The following PPP2R2B variants were observed in gnomAD, a reference collection of about 807,000 sequenced individuals.
PPP2R2B encodes the protein serine/threonine-protein phosphatase 2A 55 kDa regulatory subunit B beta isoform.
In PPP2R2B, 5 loss-of-function variants were observed where a neutral mutation model predicts 46.0. The observed-to-expected ratio is 0.11, with a 90% CI of 0.06 to 0.23. PPP2R2B has a LOEUF of 0.23. PPP2R2B is among the 10% of genes least tolerant of loss of function. The pLI is 1.00. For missense variants in PPP2R2B, 367 were observed against 575.0 expected (o/e 0.64, Z 3.70); for synonymous variants, 215 against 206.7 (o/e 1.04, Z -0.34).
chr5:147,063,809 C>G (rs563314068), intron 2 of PPP2R2B, among the ~76,000 whole-genome samples: 17 of 152,324 alleles, frequency 1.1e-4, no homozygotes, highest in African/African-American at 3.4e-4. Context: ...GAAAGGAACG[C>G]AGCACATGAA....
At chr5:146,590,385 GTTTTTT>G (rs373740293) in intron 9 of PPP2R2B, among the ~76,000 whole-genome samples, 159 bp from the exon 10 acceptor site, 1 of 117,732 alleles carries the variant, frequency 8.5e-6, no homozygotes, top group Non-Finnish European at 1.9e-5. Flanking sequence ...TTGGCTTTTT[GTTTTTT>G]TTTTGTGTTT....
intron 1 of PPP2R2B, among the ~76,000 whole-genome samples, chr5:146,999,614 T>C (rs1322057553): frequency 6.6e-6 from 1 of 152,140 alleles, no homozygotes; most frequent in Non-Finnish European, 1.5e-5. Context: ...CTTCTCTATT[T>C]GATTGTATGA....
chr5:146,814,437 C>T (rs755013372), intron 2 of PPP2R2B, among the ~76,000 whole-genome samples: 2 of 152,312 alleles, frequency 1.3e-5, no homozygotes, highest in Middle Eastern at 3.4e-3. Context: ...AGGTGATGGT[C>T]AGGCAGTGTT....
chr5:146,880,155 G>C (rs1762115823), upstream of PPP2R2B, among the ~76,000 whole-genome samples: 1 of 150,732 alleles, frequency 6.6e-6, no homozygotes, highest in African/African-American at 2.4e-5. Context: ...GAAAAGAGCA[G>C]AAATGTTCCT....
chr5:146,835,752 A>G (rs889910128), intron 2 of PPP2R2B, among the ~76,000 whole-genome samples: 4 of 152,154 alleles, frequency 2.6e-5, no homozygotes, highest in Admixed American at 2.0e-4. Flanking sequence ...TACTGTACAG[A>G]TATCGGTAAA....
chr5:146,994,689 C>T (rs372465991), intron 1 of PPP2R2B, among the ~76,000 whole-genome samples: 6 of 152,082 alleles, frequency 3.9e-5, no homozygotes, highest in Non-Finnish European at 5.9e-5. Context: ...CTCCAAGACC[C>T]GCTCTGCCCA....
At chr5:146,608,847 C>T (rs942296046) in intron 7 of PPP2R2B, among the ~76,000 whole-genome samples, 1 of 152,012 alleles carries the variant, frequency 6.6e-6, no homozygotes, top group African/African-American at 2.4e-5. Flanking sequence ...AAGCCCATAT[C>T]GAACATTTAA....
At chr5:146,754,074 C>A (rs570302431) in intron 2 of PPP2R2B, among the ~76,000 whole-genome samples, 1 of 152,216 alleles carries the variant, frequency 6.6e-6, no homozygotes, top group East Asian at 1.9e-4. Flanking sequence ...ATCTGAAAGT[C>A]CCCAAGATAT....
chr5:146,854,306 T>C (rs902751281), intron 2 of PPP2R2B, among the ~76,000 whole-genome samples: 3 of 152,166 alleles, frequency 2.0e-5, no homozygotes, highest in African/African-American at 7.2e-5. Flanking sequence ...ATACATAATA[T>C]GTTACATATT....
chr5:146,743,337 A>G (rs1752991167), intron 2 of PPP2R2B, among the ~76,000 whole-genome samples: 1 of 152,188 alleles, frequency 6.6e-6, no homozygotes, highest in Non-Finnish European at 1.5e-5. Context: ...GGATTTATAT[A>G]TTCCCTTCAT....
intron 1 of PPP2R2B, among the ~76,000 whole-genome samples, chr5:147,023,584 T>C (rs933680750): frequency 1.3e-5 from 2 of 152,198 alleles, no homozygotes; most frequent in Admixed American, 1.3e-4. Flanking sequence ...CTTAGTATCA[T>C]ATAAAGCAGA....
Position 146,650,533 on chromosome 5 carries a change from C to T in PPP2R2B, c.625+14G>A, listed in dbSNP as rs1337518263. ...ATTCAGGCCAGTTGATTCTTGATCA[C>T]AAAGAAAGGATACTAAAACTTTGAT... On this transcript the variant is annotated intron_variant, in intron 6 of 9. Coordinates refer to ENST00000394411, the MANE Select transcript of PPP2R2B (RefSeq NM_181675.4). The T allele has an allele frequency of 3.7e-6, 6 of 1,608,748 alleles. No individual in the cohort carries two copies. The highest frequency in any genetic ancestry group is 5.1e-6 in the Non-Finnish European group (6 of 1,176,616).
At chr5:146,865,933 A>G (rs1761285296) in intron 2 of PPP2R2B, among the ~76,000 whole-genome samples, 1 of 152,192 alleles carries the variant, frequency 6.6e-6, no homozygotes, top group Non-Finnish European at 1.5e-5. Context: ...CACTTACTGC[A>G]GCCACTCACT....
chr5:146,880,050 G>A (rs1167741022), upstream of PPP2R2B, among the ~76,000 whole-genome samples: 3 of 152,158 alleles, frequency 2.0e-5, no homozygotes, highest in Non-Finnish European at 2.9e-5. Flanking sequence ...CTGAGGTTGG[G>A]AATTGTCATT....
intron 2 of PPP2R2B, among the ~76,000 whole-genome samples, chr5:146,738,012 G>A (rs1156770978): frequency 6.6e-6 from 1 of 151,998 alleles, no homozygotes; most frequent in Non-Finnish European, 1.5e-5. Context: ...CGACCTTGAA[G>A]GTACAAAGAC....
At chr5:146,847,307 C>A (rs966804504) in intron 2 of PPP2R2B, among the ~76,000 whole-genome samples, 2 of 152,198 alleles carry the variant, frequency 1.3e-5, no homozygotes, top group Non-Finnish European at 2.9e-5. Context: ...AATAGACTTA[C>A]TTCCTCCTCT....
At chr5:146,726,288 A>G (rs191754241) in intron 2 of PPP2R2B, among the ~76,000 whole-genome samples, 24 of 152,310 alleles carry the variant, frequency 1.6e-4, no homozygotes. Context: ...CCAACTAGGG[A>G]GTATTCAGCA....
chr5:146,804,049 C>T (rs1375757919), intron 2 of PPP2R2B, among the ~76,000 whole-genome samples: 1 of 151,946 alleles, frequency 6.6e-6, no homozygotes, highest in Non-Finnish European at 1.5e-5. Context: ...TGCCTGTAGT[C>T]CCAGCTACTT....
chr5:146,988,718 A>T (rs904062616), intron 1 of PPP2R2B, among the ~76,000 whole-genome samples: 15 of 151,976 alleles, frequency 9.9e-5, no homozygotes, highest in Admixed American at 3.9e-4. Context: ...TAGAAAAATA[A>T]GAACAATATA....
Sources: allele counts gnomAD v4.1 joint callset (sites outside exome capture counted in the v4.1 genomes callset), GRCh38; gene constraint gnomAD v4.1.1; transcripts MANE v1.5; gene names NCBI Gene and HGNC (gene_info 2026-07-23, HGNC 2026-07-21).